The following PKP4 variants were observed in gnomAD, a reference collection of about 807,000 sequenced individuals.
PKP4 encodes the protein plakophilin-4.
In PKP4, 90 loss-of-function variants were observed where a neutral mutation model predicts 145.1. That is an observed-to-expected ratio of 0.62 (90% confidence interval 0.52 to 0.74). The LOEUF is 0.74. PKP4 is among the 30% of genes least tolerant of loss of function. The probability of loss-of-function intolerance (pLI) is 0.00; values close to 1 mark genes in which losing one functional copy is unlikely to be tolerated. For missense variants in PKP4, 1,340 were observed against 1,482.7 expected (o/e 0.90, Z 1.58); for synonymous variants, 563 against 577.2 (o/e 0.98, Z 0.35).
chr2:158,589,368 AG>A (rs2049061753), intron 3 of PKP4, among the ~76,000 whole-genome samples: 1 of 152,124 alleles, frequency 6.6e-6, no homozygotes, highest in Admixed American at 6.6e-5. Context: ...TGGAGTGTCA[AG>A]GGGGTGGGAA....
At chr2:158,462,898 G>A (rs6710184) in intron 1 of PKP4, among the ~76,000 whole-genome samples, 99,346 of 152,110 alleles carry the variant, frequency 0.65, 32,689 homozygotes, top group South Asian at 0.83. Context: ...TACAACAGGA[G>A]CTGGTTCAGA....
intron 1 of PKP4, among the ~76,000 whole-genome samples, chr2:158,504,093 CATAAT>C (rs1696980088): frequency 6.7e-6 from 1 of 149,290 alleles, no homozygotes; most frequent in South Asian, 2.1e-4. Flanking sequence ...TTGTTGTTCT[CATAAT>C]ATTGCATTTT....
At chr2:158,616,416 C>T (rs1223251561) in intron 4 of PKP4, among the ~76,000 whole-genome samples, 1 of 152,140 alleles carries the variant, frequency 6.6e-6, no homozygotes, top group Non-Finnish European at 1.5e-5. Flanking sequence ...TGTGGTCCTA[C>T]AGGAAAGGAG....
chr2:158,661,821 C>A (rs1441356890), intron 13 of PKP4: 7 of 191,826 alleles, frequency 3.6e-5, no homozygotes, highest in Non-Finnish European at 5.4e-5. Context: ...TGTAATCCCC[C>A]CAAACTCTCT....
intron 3 of PKP4, among the ~76,000 whole-genome samples, chr2:158,594,112 A>G (rs1416726745): frequency 6.6e-6 from 1 of 152,084 alleles, no homozygotes; most frequent in African/African-American, 2.4e-5. Context: ...CTGCCTTCCT[A>G]TAGCCATCTT....
At chr2:158,671,782 G>A (rs2057582129) in intron 17 of PKP4, among the ~76,000 whole-genome samples, 1 of 152,236 alleles carries the variant, frequency 6.6e-6, no homozygotes, top group Non-Finnish European at 1.5e-5. Flanking sequence ...GAGCGTGGTG[G>A]GTGGTGCTGA....
rs2051428486 is a variant in PKP4 at position 158,614,693 on chromosome 2, C to A, written c.281-6297C>A. ...TATGCATGATATATGAACAGATTCCCAAAAGCACATTATATGAAAATCAAG... is the reference window on the plus strand; with the variant it reads ...TATGCATGATATATGAACAGATTCCAAAAAGCACATTATATGAAAATCAAG... On this transcript the variant is annotated intron_variant, in intron 4 of 21. Coordinates refer to ENST00000389759, the MANE Select transcript of PKP4 (RefSeq NM_003628.6). Among the ~76,000 whole-genome samples the A allele has an allele frequency of 2.0e-5, 3 of 152,102 alleles. No homozygotes were observed. In the South Asian group the frequency reaches 6.2e-4, roughly 32 times the overall value.
chr2:158,606,401 T>C (rs1033601411), intron 4 of PKP4, among the ~76,000 whole-genome samples: 1 of 152,114 alleles, frequency 6.6e-6, no homozygotes, highest in Non-Finnish European at 1.5e-5. Flanking sequence ...AACACGTTAT[T>C]ATCCTTTTTA....
chr2:158,474,506 T>A (rs2356185), intron 1 of PKP4, among the ~76,000 whole-genome samples: 145,940 of 152,166 alleles, frequency 0.96, 70,086 homozygotes, highest in Non-Finnish European at 0.99. Flanking sequence ...AAAAATTTTT[T>A]AAAAAACCAT....
At chr2:158,570,901 T>C (rs1242892558) in intron 2 of PKP4, among the ~76,000 whole-genome samples, 1 of 152,134 alleles carries the variant, frequency 6.6e-6, no homozygotes, top group Non-Finnish European at 1.5e-5. Context: ...CAACAAGATA[T>C]GTTCTCAGAT....
chr2:158,550,593 A>T (rs1232165611), intron 2 of PKP4, among the ~76,000 whole-genome samples: 1 of 152,194 alleles, frequency 6.6e-6, no homozygotes, highest in East Asian at 1.9e-4. Context: ...AAAGGTGGCA[A>T]CTTGGGATCA....
intron 1 of PKP4, among the ~76,000 whole-genome samples, chr2:158,511,015 C>T (rs997995757): frequency 1.3e-5 from 2 of 152,194 alleles, no homozygotes; most frequent in African/African-American, 4.8e-5. Flanking sequence ...TAGGGGAAGG[C>T]CTCTGTGAGC....
At chr2:158,618,169 G>A (rs934171594) in intron 4 of PKP4, among the ~76,000 whole-genome samples, 3 of 151,942 alleles carry the variant, frequency 2.0e-5, no homozygotes, top group Admixed American at 6.6e-5. Flanking sequence ...TAGAGACTCC[G>A]TCTCAAAAAA....
chr2:158,560,894 CA>C (rs1275250339), intron 2 of PKP4, among the ~76,000 whole-genome samples: 1 of 152,140 alleles, frequency 6.6e-6, no homozygotes, highest in Non-Finnish European at 1.5e-5. Context: ...AAGTTGATAC[CA>C]AAATCCTATA....
chr2:158,495,206 A>C (rs960547836), intron 1 of PKP4, among the ~76,000 whole-genome samples: 11 of 152,196 alleles, frequency 7.2e-5, no homozygotes, highest in Admixed American at 4.6e-4. Context: ...TGACAGTGCA[A>C]GACTCCGTCT....
Position 158,658,135 on chromosome 2 carries a change from T to C in PKP4, c.1914T>C (p.Val638=), listed in dbSNP as rs2056180078. 1.3e-6 allele frequency: 2 copies of C among 1,576,052 alleles called. No individual in the cohort carries two copies. The highest frequency in any genetic ancestry group is 1.7e-6 in the Non-Finnish European group (2 of 1,152,820). The change falls in exon 12 of 22, where the codon GTT becomes GTC. Residue 638 remains valine, a synonymous_variant. Transcript: ENST00000389759. The stretch of plus-strand genomic sequence containing the variant: ...TTTTTAAATCTCCTTTTTTAGGAGT[T>C]CTTTGGAATTTATCCTCATGTGATG... ...DAEVRELVTG[V]LWNLSSCDAV...
intron 3 of PKP4, among the ~76,000 whole-genome samples, chr2:158,598,164 G>A (rs151233593): frequency 3.2e-3 from 493 of 152,238 alleles, no homozygotes; most frequent in Middle Eastern, 0.017. Flanking sequence ...CAATTTGACC[G>A]TATTCTGATT....
chr2:158,578,689 T>C (rs1480987113), intron 3 of PKP4, among the ~76,000 whole-genome samples: 1 of 152,204 alleles, frequency 6.6e-6, no homozygotes, highest in Non-Finnish European at 1.5e-5. Flanking sequence ...AATAGAAAAG[T>C]AATTCAACAT....
intron 11 of PKP4, among the ~76,000 whole-genome samples, chr2:158,650,017 G>A (rs935293932): frequency 6.6e-6 from 1 of 152,236 alleles, no homozygotes; most frequent in Non-Finnish European, 1.5e-5. Context: ...TATGACTTCA[G>A]TGACAGTTTC....
Sources: gnomAD v4.1 joint callset for allele counts (sites outside exome capture counted in the v4.1 genomes callset) on GRCh38, gnomAD v4.1.1 for gene constraint, MANE v1.5 for transcripts, NCBI Gene and HGNC (gene_info 2026-07-23, HGNC 2026-07-21) for gene names.